BMP2K: variants seen among roughly 807,000 people sequenced by gnomAD.
BMP2K encodes the protein BMP-2-inducible protein kinase.
In BMP2K, 74 loss-of-function variants were observed where a neutral mutation model predicts 116.0. That is an observed-to-expected ratio of 0.64 (90% CI 0.53 to 0.77). The LOEUF is 0.77. Among genes scored for constraint, BMP2K ranks in the 30% least tolerant of loss-of-function variants. The pLI, the probability that BMP2K is intolerant of heterozygous loss-of-function variation, is 0.00. For missense variants in BMP2K, 1,365 were observed against 1,403.6 expected (o/e 0.97, Z 0.44); for synonymous variants, 486 against 502.5 (o/e 0.97, Z 0.44).
At chr4:78,883,644 A>G (rs1034450855) in intron 14 of BMP2K, among the ~76,000 whole-genome samples, 1 of 152,226 alleles carries the variant, frequency 6.6e-6, no homozygotes, top group African/African-American at 2.4e-5. Flanking sequence ...TACTGTTTAT[A>G]TACTTACCAT....
At chr4:78,833,468 A>G (rs1167024366) in intron 2 of BMP2K, 114 bp from the exon 3 acceptor site, 2 of 687,976 alleles carry the variant, frequency 2.9e-6, no homozygotes, top group Non-Finnish European at 4.7e-6. Context: ...TTCTGTACTC[A>G]TGCCTAATTC....
In BMP2K at chr4:78,871,941, C is replaced by T; in HGVS notation, c.1601C>T (p.Pro534Leu). Residue 534 changes from proline (P) to leucine (L), a missense_variant, in exon 12 of 16, where the codon CCT (proline) becomes CTT (leucine). Transcript: ENST00000502613. ...YQPQPSASQY[P>L]TMMPQYQQAF... ...CCACAACCTTCTGCATCACAGTATC[C>T]TACAATGGTAACTTAAATAATTTCT... 1 of 1,598,716 alleles carries T rather than the reference C, an allele frequency of 6.3e-7. No homozygotes were observed. The highest frequency in any genetic ancestry group is 8.5e-7 in the Non-Finnish European group (1 of 1,170,624).
intron 13 of BMP2K, among the ~76,000 whole-genome samples, chr4:78,873,203 A>G (rs183629211): frequency 4.5e-4 from 69 of 152,338 alleles, no homozygotes; most frequent in African/African-American, 1.5e-3. Flanking sequence ...AGGTTGTATA[A>G]TTTAATTTAA....
rs1399260729 is a variant in BMP2K at position 78,911,367 on chromosome 4, C to T, written c.2820C>T (p.Phe940=). ...DVFGSTPFQP[F]LTSTSKSESN... ...TTGGCTCCACTCCATTTCAGCCCTT[C>T]CTCACATCAACAAGTAAAAGTGAAA... Residue 940 remains phenylalanine (F), a synonymous_variant, in exon 16 of 16, where the codon TTC becomes TTT. Coordinates refer to ENST00000502613, the MANE Select transcript of BMP2K (RefSeq NM_198892.2). The T allele has an allele frequency of 2.5e-6, 4 of 1,613,882 alleles. No individual in the cohort carries two copies. The highest frequency in any genetic ancestry group is 3.4e-6 in the Non-Finnish European group (4 of 1,179,886).
At chr4:78,795,601 A>G (rs1728217314) in intron 1 of BMP2K, among the ~76,000 whole-genome samples, 1 of 152,172 alleles carries the variant, frequency 6.6e-6, no homozygotes, top group South Asian at 2.1e-4. Context: ...GTGAACAGAC[A>G]ACCTACAAAA....
intron 5 of BMP2K, 77 bp downstream of exon 5, chr4:78,845,126 C>A (rs940361371): frequency 4.6e-5 from 56 of 1,218,798 alleles, no homozygotes; most frequent in Middle Eastern, 2.0e-4. Flanking sequence ...ACTGCTAATA[C>A]AAATTTTAGG....
At chr4:78,867,520 C>CT (rs1352678875) in intron 10 of BMP2K, among the ~76,000 whole-genome samples, 1 of 151,986 alleles carries the variant, frequency 6.6e-6, no homozygotes, top group Non-Finnish European at 1.5e-5. Flanking sequence ...AAATGTTCCG[C>CT]TTTTTCCCCC....
At chr4:78,884,627 T>C (rs1732995791) in intron 14 of BMP2K, among the ~76,000 whole-genome samples, 1 of 152,200 alleles carries the variant, frequency 6.6e-6, no homozygotes, top group Admixed American at 6.5e-5. Flanking sequence ...TCTCACCCCC[T>C]CTTTTCTCTG....
chr4:78,796,471 G>A (rs940454023), intron 1 of BMP2K, among the ~76,000 whole-genome samples: 7 of 151,814 alleles, frequency 4.6e-5, no homozygotes, highest in Non-Finnish European at 2.9e-5. Flanking sequence ...CACCAGCATG[G>A]CACATGTATA....
intron 13 of BMP2K, among the ~76,000 whole-genome samples, chr4:78,877,523 C>A (rs1340171919): frequency 1.3e-5 from 2 of 152,120 alleles, no homozygotes; most frequent in East Asian, 3.9e-4. Flanking sequence ...TGTCTCACTG[C>A]AAGTTCTTTA....
intron 15 of BMP2K, among the ~76,000 whole-genome samples, chr4:78,906,619 T>C (rs1734300005): frequency 6.6e-6 from 1 of 152,182 alleles, no homozygotes. Flanking sequence ...TACTTACTTC[T>C]GGTCAGTTCT....
At chr4:78,834,280 G>T (rs55858949) in intron 3 of BMP2K, among the ~76,000 whole-genome samples, 2,445 of 82,568 alleles carry the variant, frequency 0.03, 12 homozygotes, top group Non-Finnish European at 0.037. Context: ...TTTTTTTTTT[G>T]AGACGGAGTC....
intron 1 of BMP2K, among the ~76,000 whole-genome samples, chr4:78,808,334 C>T (rs1335893321): frequency 8.2e-5 from 12 of 146,138 alleles, no homozygotes; most frequent in East Asian, 4.0e-4. Flanking sequence ...GATGTGATCT[C>T]GGCTCACTGC....
intron 9 of BMP2K, among the ~76,000 whole-genome samples, chr4:78,863,160 A>G (rs1263263238): frequency 6.6e-6 from 1 of 152,116 alleles, no homozygotes; most frequent in East Asian, 1.9e-4. Flanking sequence ...AGTATGTTAA[A>G]TCTGAACATT....
chr4:78,812,125 G>A (rs184132814), intron 1 of BMP2K, among the ~76,000 whole-genome samples: 141 of 152,006 alleles, frequency 9.3e-4, no homozygotes, highest in African/African-American at 3.2e-3. Flanking sequence ...GCACCACCAC[G>A]CCTGGCTAAT....
At chr4:78,897,813 A>C (rs993715105) in intron 15 of BMP2K, among the ~76,000 whole-genome samples, 1 of 152,214 alleles carries the variant, frequency 6.6e-6, no homozygotes, top group Non-Finnish European at 1.5e-5. Context: ...TACTGGATAG[A>C]GTTTTATCTG....
chr4:78,881,503 A>T (rs944238786), intron 14 of BMP2K, among the ~76,000 whole-genome samples: 1 of 152,162 alleles, frequency 6.6e-6, no homozygotes, highest in Non-Finnish European at 1.5e-5. Flanking sequence ...TGTCATTAAT[A>T]AAAAAGTTTG....
Position 78,911,830 on chromosome 4 carries a change from C to T in BMP2K, c.3283C>T (p.His1095Tyr), listed in dbSNP as rs781446428. The change falls in exon 16 of 16, where the codon CAC becomes TAC. Residue 1095 changes from histidine (H) to tyrosine (Y), a missense_variant. Physicochemically the swap from His to Tyr is moderately conservative, Grantham distance 83. Transcript: ENST00000502613. ...HQGLSDIRAD[H>Y]NTVLPGRPRQ... ...GGGCCTGAGCGACATCCGTGCTGAT[C>T]ACAATACTGTCCTGCCAGGGCGGCC... 98 of 1,613,828 alleles carry T rather than the reference C, an allele frequency of 6.1e-5. No homozygotes were observed. Among genetic ancestry groups the T allele is most frequent in the Non-Finnish European group, 8.1e-5 (95 of 1,179,876 alleles).
intron 7 of BMP2K, among the ~76,000 whole-genome samples, chr4:78,855,914 A>G (rs992520245): frequency 1.3e-5 from 2 of 152,136 alleles, no homozygotes; most frequent in Non-Finnish European, 2.9e-5. Context: ...GATTCAGGTG[A>G]TCATTTTAAG....
Sources: gnomAD v4.1 joint callset for allele counts (sites outside exome capture counted in the v4.1 genomes callset) on GRCh38, gnomAD v4.1.1 for gene constraint, MANE v1.5 for transcripts, NCBI Gene and HGNC (gene_info 2026-07-23, HGNC 2026-07-21) for gene names.